The following PDE4D variants were observed in gnomAD, a reference collection of about 807,000 sequenced individuals.
The protein encoded by PDE4D is 3',5'-cyclic-AMP phosphodiesterase 4D.
Under a neutral mutation model 87.4 loss-of-function variants are expected in PDE4D, and 24 were observed. The ratio of observed to expected loss-of-function variants is 0.27; its 90% CI spans 0.20 to 0.39. The LOEUF (loss-of-function observed/expected upper bound fraction) is 0.39. PDE4D is among the 10% of genes least tolerant of loss of function. The probability of loss-of-function intolerance (pLI) is 1.00; values close to 1 mark genes in which losing one functional copy is unlikely to be tolerated. For synonymous variants in PDE4D, 384 were observed against 383.2 expected (o/e 1.00, Z -0.02); for missense variants, 714 against 1,041.0 (o/e 0.69, Z 4.32).
chr5:59,211,019 T>G (rs903418411), intron 2 of PDE4D, among the ~76,000 whole-genome samples: 3 of 152,210 alleles, frequency 2.0e-5, no homozygotes, highest in Non-Finnish European at 2.9e-5. Context: ...GTTATTCAGA[T>G]GCTGAAATAT....
At chr5:59,611,945 C>T (rs1025240269) in intron 1 of PDE4D, among the ~76,000 whole-genome samples, 1 of 152,192 alleles carries the variant, frequency 6.6e-6, no homozygotes, top group Non-Finnish European at 1.5e-5. Context: ...CCGGATTCCA[C>T]TTCCTAAAAA....
intron 2 of PDE4D, chr5:60,160,892 C>A: frequency 5.0e-6 from 2 of 404,032 alleles, no homozygotes; most frequent in Non-Finnish European, 9.7e-6. Context: ...TTTTCCATGT[C>A]ATTTTTTTAA....
chr5:59,341,199 G>C (rs1337613194), intron 1 of PDE4D, among the ~76,000 whole-genome samples: 1 of 152,014 alleles, frequency 6.6e-6, no homozygotes, highest in Non-Finnish European at 1.5e-5. Flanking sequence ...CTTCCTTCTG[G>C]GTGGCATTTT....
chr5:59,711,629 T>C (rs1456709080), intron 1 of PDE4D, among the ~76,000 whole-genome samples: 2 of 152,174 alleles, frequency 1.3e-5, no homozygotes, highest in African/African-American at 4.8e-5. Flanking sequence ...AACCTAACTA[T>C]AACTTCCTAG....
At chr5:59,832,564 A>G (rs1741409501) in intron 1 of PDE4D, among the ~76,000 whole-genome samples, 1 of 152,074 alleles carries the variant, frequency 6.6e-6, no homozygotes, top group Non-Finnish European at 1.5e-5. Flanking sequence ...TTTAGACAAT[A>G]TATGTAGGAT....
At chr5:59,582,778 T>C (rs1824403182) in intron 1 of PDE4D, among the ~76,000 whole-genome samples, 1 of 152,144 alleles carries the variant, frequency 6.6e-6, no homozygotes, top group Admixed American at 6.6e-5. Context: ...CCATGTTGAG[T>C]GAAAGTGCCA....
intron 1 of PDE4D, among the ~76,000 whole-genome samples, chr5:59,368,724 A>ATGATTTCTTC (rs537032368): frequency 2.9e-4 from 44 of 152,306 alleles, no homozygotes; most frequent in South Asian, 2.1e-3. Context: ...AGGAGAGAAA[A>ATGATTTCTTC]TGATTTCTTC....
intron 1 of PDE4D, among the ~76,000 whole-genome samples, chr5:60,264,750 G>C (rs1750009104): frequency 6.6e-6 from 1 of 152,212 alleles, no homozygotes; most frequent in Non-Finnish European, 1.5e-5. Context: ...TCTGAGGTTG[G>C]AAGAACCTGG....
At chr5:59,090,812 T>TG (rs929446825) in intron 5 of PDE4D, among the ~76,000 whole-genome samples, 6 of 145,432 alleles carry the variant, frequency 4.1e-5, no homozygotes, top group African/African-American at 1.6e-4. Flanking sequence ...TTTTTCTTTT[T>TG]TTTTTTTTTT....
chr5:59,627,501 T>C (rs1831031476), intron 1 of PDE4D, among the ~76,000 whole-genome samples: 1 of 152,202 alleles, frequency 6.6e-6, no homozygotes, highest in South Asian at 2.1e-4. Context: ...ATGCTTTCTA[T>C]CACTTTCTAA....
chr5:59,355,856 A>G (rs1781296819), intron 1 of PDE4D, among the ~76,000 whole-genome samples: 1 of 152,178 alleles, frequency 6.6e-6, no homozygotes, highest in Non-Finnish European at 1.5e-5. Flanking sequence ...TTTTATATGC[A>G]GGCAAATCAG....
At chr5:59,587,578 G>C (rs1825352912) in intron 1 of PDE4D, 2 of 985,286 alleles carry the variant, frequency 2.0e-6, no homozygotes, top group Non-Finnish European at 2.4e-6. Context: ...CCCCAGCTCT[G>C]ATCAGCTCAG....
intron 1 of PDE4D, among the ~76,000 whole-genome samples, chr5:60,322,502 G>T (rs897531197): frequency 6.6e-6 from 1 of 150,568 alleles, no homozygotes; most frequent in South Asian, 2.1e-4. Flanking sequence ...CAATAATACT[G>T]TCTCCAACCT....
intron 1 of PDE4D, among the ~76,000 whole-genome samples, chr5:60,493,444 A>C (rs552111846): frequency 1.1e-3 from 170 of 152,320 alleles, no homozygotes; most frequent in Admixed American, 1.8e-3. Context: ...TTCTCCTCCC[A>C]TTGATGAGAA....
intron 5 of PDE4D, among the ~76,000 whole-genome samples, chr5:59,087,354 T>C (rs1050862302): frequency 3.3e-5 from 5 of 151,908 alleles, no homozygotes; most frequent in Admixed American, 3.3e-4. Flanking sequence ...GGCACAGTGG[T>C]GCGTGCTTAT....
chr5:60,405,253 T>C (rs1448029451), intron 1 of PDE4D, among the ~76,000 whole-genome samples: 1 of 152,166 alleles, frequency 6.6e-6, no homozygotes, highest in East Asian at 1.9e-4. Flanking sequence ...AGCCAGGCAA[T>C]AATGTGTCAT....
chr5:59,205,909 T>C (rs1231561089), intron 2 of PDE4D, among the ~76,000 whole-genome samples: 4 of 152,186 alleles, frequency 2.6e-5, no homozygotes, highest in African/African-American at 4.8e-5. Context: ...TTTACTGAAC[T>C]GGTGAAATGA....
chr5:60,368,898 C>T (rs528039043), intron 1 of PDE4D, among the ~76,000 whole-genome samples: 8 of 152,138 alleles, frequency 5.3e-5, no homozygotes, highest in Non-Finnish European at 1.0e-4. Context: ...CCCGCAGAAC[C>T]ATGAGCCAAT....
chr5:60,170,974 A>C (rs1028819885), intron 2 of PDE4D, among the ~76,000 whole-genome samples: 1 of 152,060 alleles, frequency 6.6e-6, no homozygotes, highest in African/African-American at 2.4e-5. Context: ...TTTGGGATCA[A>C]AATATGTATC....
Sources: gnomAD v4.1 joint callset for allele counts (sites outside exome capture counted in the v4.1 genomes callset) on GRCh38, gnomAD v4.1.1 for gene constraint, MANE v1.5 for transcripts, NCBI Gene and HGNC (gene_info 2026-07-23, HGNC 2026-07-21) for gene names.